Variants in SMC5 observed in about 807,000 individuals in gnomAD.
The protein encoded by SMC5 is structural maintenance of chromosomes protein 5.
A neutral mutation model predicts 148.3 loss-of-function variants in SMC5; 88 were observed. That is an observed-to-expected ratio of 0.59 (90% CI 0.50 to 0.71). The LOEUF (loss-of-function observed/expected upper bound fraction) is 0.71. SMC5 is among the 30% of genes least tolerant of loss of function. The pLI is 0.00. For synonymous variants in SMC5, 421 were observed against 432.8 expected (o/e 0.97, Z 0.34); for missense variants, 1,142 against 1,298.9 (o/e 0.88, Z 1.86).
chr9:70,314,870 A>G, intron 12 of SMC5, 34 bp downstream of exon 12: 5 of 1,156,148 alleles, frequency 4.3e-6, no homozygotes, highest in Non-Finnish European at 6.2e-6. Context: ...TTATTTAAAT[A>G]TTGAATTATT....
intron 9 of SMC5, 24 bp from the exon 10 acceptor site, chr9:70,300,022 C>A: frequency 6.5e-7 from 1 of 1,532,600 alleles, no homozygotes; most frequent in South Asian, 1.3e-5. Context: ...AGAAACAAGA[C>A]TTTGTTTTGT....
chr9:70,302,815 T>A (rs957775976), intron 10 of SMC5, among the ~76,000 whole-genome samples: 1 of 152,222 alleles, frequency 6.6e-6, no homozygotes, highest in Non-Finnish European at 1.5e-5. Context: ...GTGACCCTAC[T>A]TGTGTGACTT....
At chr9:70,278,056 T>G (rs565087743) in intron 4 of SMC5, among the ~76,000 whole-genome samples, 1 of 152,088 alleles carries the variant, frequency 6.6e-6, no homozygotes, top group African/African-American at 2.4e-5. Context: ...TAAATAAAAC[T>G]TAAACATTTT....
intron 17 of SMC5, among the ~76,000 whole-genome samples, chr9:70,324,571 C>A (rs2036030014): frequency 6.6e-6 from 1 of 152,102 alleles, no homozygotes; most frequent in African/African-American, 2.4e-5. Context: ...TTCAGGGTAT[C>A]CATGTGGGCA....
chr9:70,259,731 G>T (rs1253658034), intron 1 of SMC5, among the ~76,000 whole-genome samples: 2 of 152,128 alleles, frequency 1.3e-5, no homozygotes, highest in Non-Finnish European at 2.9e-5. Context: ...CGGGAATGGA[G>T]GTTACAGGTA....
At chr9:70,340,127 T>C (rs1047118791) in intron 17 of SMC5, among the ~76,000 whole-genome samples, 5 of 152,066 alleles carry the variant, frequency 3.3e-5, no homozygotes, top group Non-Finnish European at 5.9e-5. Flanking sequence ...CCTTTAAAAG[T>C]GTAGATTTAC....
At chr9:70,322,466 T>C (rs1208330834) in intron 15 of SMC5, among the ~76,000 whole-genome samples, 1 of 152,238 alleles carries the variant, frequency 6.6e-6, no homozygotes, top group African/African-American at 2.4e-5. Flanking sequence ...GCCTGACTAG[T>C]CACTTCTGTA....
At chr9:70,330,548 C>CTTT (rs71505381) in intron 17 of SMC5, among the ~76,000 whole-genome samples, 1 of 128,880 alleles carries the variant, frequency 7.8e-6, no homozygotes, top group Non-Finnish European at 1.6e-5. Flanking sequence ...ATGTAACTTT[C>CTTT]TTTTTTTTTT....
At chr9:70,297,645 A>G (rs1190351704) in intron 8 of SMC5, among the ~76,000 whole-genome samples, 1 of 152,316 alleles carries the variant, frequency 6.6e-6, no homozygotes. Context: ...GTCTTACGGC[A>G]TATAGTATGT....
intron 10 of SMC5, among the ~76,000 whole-genome samples, chr9:70,302,874 A>G (rs547828570): frequency 2.6e-5 from 4 of 152,128 alleles, no homozygotes; most frequent in Admixed American, 6.5e-5. Context: ...TTGAATTGCC[A>G]TGTAAACCAG....
In SMC5 at chr9:70,298,195, G is replaced by C; in HGVS notation, c.1283G>C (p.Arg428Thr). ...GAAATAATTGATAAGCGAAGAGAGA[G>C]GGAAACTCTAGAGAAGGAGAAAAAG... ...EGEIIDKRRE[R>T]ETLEKEKKSV... The change falls in exon 9 of 25, where the codon AGG becomes ACG. Residue 428 changes from arginine to threonine, a missense_variant. By Grantham distance (71) the Arg-to-Thr change is moderately conservative. This residue lies in a region of SMC5 where 743 missense variants were observed against 835.7 expected (regional missense o/e 0.89). Transcript: ENST00000361138. 1 of 1,613,454 alleles carries C rather than the reference G, an allele frequency of 6.2e-7. No individual in the cohort carries two copies. The highest frequency in any genetic ancestry group is 8.5e-7 in the Non-Finnish European group (1 of 1,179,766).
chr9:70,305,915 A>G lies in SMC5; in HGVS notation c.1578+555A>G, dbSNP rs192977766. ...TTCTGGCATTGCTTCTGACTTGGGC[A>G]AGTTGCCTAAATTTAGTTTTATGCT... On this transcript the variant is annotated intron_variant, in intron 11 of 24. Transcript: ENST00000361138. 1.6e-4 allele frequency among the ~76,000 whole-genome samples: 25 copies of G among 152,328 alleles called. 1 individual carries two copies. Among genetic ancestry groups the G allele is most frequent in the Admixed American group, 1.5e-3 (23 of 15,304 alleles).
At chr9:70,295,015 C>T (rs1036507174) in intron 8 of SMC5, among the ~76,000 whole-genome samples, 2 of 151,966 alleles carry the variant, frequency 1.3e-5, no homozygotes, top group African/African-American at 4.8e-5. Flanking sequence ...CAAAGTGGGG[C>T]TCAATTAAAG....
At chr9:70,344,007 T>C (rs2036594267) in intron 17 of SMC5, 137 bp from the exon 18 acceptor site, 3 of 500,950 alleles carry the variant, frequency 6.0e-6, no homozygotes, top group Non-Finnish European at 6.5e-6. Flanking sequence ...AAAGAGTCAT[T>C]ATTTAAGAAA....
At chr9:70,266,836 A>G (rs913991858) in intron 2 of SMC5, among the ~76,000 whole-genome samples, 2 of 152,192 alleles carry the variant, frequency 1.3e-5, no homozygotes, top group Non-Finnish European at 2.9e-5. Context: ...CAAGTCTTTT[A>G]ATTCTTGCAA....
At chr9:70,298,743 AAAAG>A (rs2118391299) in intron 9 of SMC5, among the ~76,000 whole-genome samples, 1 of 151,744 alleles carries the variant, frequency 6.6e-6, no homozygotes, top group Non-Finnish European at 1.5e-5. Context: ...ACAAAAAAAA[AAAAG>A]AAGAAGAACT....
chr9:70,278,970 G>A (rs1397640328), intron 5 of SMC5, among the ~76,000 whole-genome samples: 1 of 152,142 alleles, frequency 6.6e-6, no homozygotes, highest in East Asian at 1.9e-4. Flanking sequence ...AAGGCTTTGA[G>A]TAATAGAAGA....
chr9:70,301,214 G>A (rs1489444573), intron 10 of SMC5, among the ~76,000 whole-genome samples: 1 of 152,126 alleles, frequency 6.6e-6, no homozygotes, highest in African/African-American at 2.4e-5. Context: ...TAATGCAGGT[G>A]TAATTGTTAA....
chr9:70,294,696 G>C (rs2035149169), intron 8 of SMC5, among the ~76,000 whole-genome samples: 1 of 152,178 alleles, frequency 6.6e-6, no homozygotes, highest in African/African-American at 2.4e-5. Context: ...GGGGCTTTAT[G>C]ATCTAGAACA....
Sources: allele counts gnomAD v4.1 joint callset (sites outside exome capture counted in the v4.1 genomes callset), GRCh38; gene constraint gnomAD v4.1.1; regional missense constraint gnomAD v4.1.1; transcripts MANE v1.5; gene names NCBI Gene and HGNC (gene_info 2026-07-23, HGNC 2026-07-21).